The following GREB1L variants were observed in gnomAD, a reference collection of about 807,000 sequenced individuals.
GREB1L encodes GREB1 like retinoic acid receptor coactivator, also known as GREB1-like protein.
GREB1L carries 17 observed loss-of-function variants against 200.8 expected under a neutral mutation model. The observed-to-expected ratio is 0.08, with a 90% CI of 0.06 to 0.13. GREB1L has a LOEUF of 0.13. Among genes scored for constraint, GREB1L ranks in the 10% least tolerant of loss-of-function variants. GREB1L has a pLI of 1.00. For missense variants in GREB1L, 1,657 were observed against 2,367.7 expected (o/e 0.70, Z 6.23); for synonymous variants, 789 against 893.0 (o/e 0.88, Z 2.08).
intron 19 of GREB1L, 142 bp from the exon 20 acceptor site, chr18:21,495,528 A>C (rs2036511892): frequency 3.2e-6 from 2 of 625,266 alleles, no homozygotes; most frequent in African/African-American, 3.7e-5. Context: ...AGCAGTTAAA[A>C]TATACATACA....
At chr18:21,308,570 C>G (rs1324252697) in intron 1 of GREB1L, among the ~76,000 whole-genome samples, 1 of 152,174 alleles carries the variant, frequency 6.6e-6, no homozygotes, top group African/African-American at 2.4e-5. Flanking sequence ...GGGCTTTGCC[C>G]TAATTCATCT....
chr18:21,434,485 G>GTA (rs759371210), intron 7 of GREB1L, among the ~76,000 whole-genome samples: 4,295 of 95,850 alleles, frequency 0.045, 135 homozygotes, highest in East Asian at 0.1. Context: ...AAAAAAAATA[G>GTA]TATATATATA....
At chr18:21,498,831 C>T (rs760639453) in intron 21 of GREB1L, among the ~76,000 whole-genome samples, 6 of 152,272 alleles carry the variant, frequency 3.9e-5, no homozygotes, top group South Asian at 2.1e-4. Context: ...AGTGAAGGGG[C>T]GGGTTTTAAT....
chr18:21,399,481 A>ATGGATGGG (rs1237337054), intron 5 of GREB1L, among the ~76,000 whole-genome samples: 5 of 150,960 alleles, frequency 3.3e-5, no homozygotes, highest in Non-Finnish European at 7.4e-5. Context: ...GGATGGATGG[A>ATGGATGGG]TGGATGGATG....
intron 1 of GREB1L, among the ~76,000 whole-genome samples, chr18:21,270,928 T>G (rs1019159486): frequency 6.6e-6 from 1 of 152,210 alleles, no homozygotes; most frequent in African/African-American, 2.4e-5. Flanking sequence ...GCTATGATTA[T>G]CTCCATCTTA....
intron 1 of GREB1L, among the ~76,000 whole-genome samples, chr18:21,323,879 T>C (rs1415112866): frequency 6.6e-6 from 1 of 152,234 alleles, no homozygotes; most frequent in African/African-American, 2.4e-5. Flanking sequence ...AGTAATTTAG[T>C]AACTTCTATC....
At chr18:21,515,782 T>A (rs2037395877) in intron 29 of GREB1L, 138 bp downstream of exon 29, 2 of 677,540 alleles carry the variant, frequency 3.0e-6, no homozygotes, top group Non-Finnish European at 5.0e-6. Context: ...GAAAGGGGGA[T>A]CACAAGCCCC....
Position 21,455,881 on chromosome 18 carries a change from C to T in GREB1L, c.2182+1318C>T, listed in dbSNP as rs1349754638. Among the ~76,000 whole-genome samples, 13 of 147,284 alleles carry T rather than the reference C, an allele frequency of 8.8e-5. No individual in the cohort carries two copies. The East Asian group carries it at 2.4e-3, about 27-fold the overall frequency. On this transcript the variant is annotated intron_variant, in intron 15 of 32. Coordinates refer to ENST00000424526, the MANE Select transcript of GREB1L (RefSeq NM_001142966.3). ...ACTTCAGTGAGTCTGGGTTGTGCTCCGGATTCTGCATTTGCTTTTTTTTTT... is the reference window on the plus strand; with the variant it reads ...ACTTCAGTGAGTCTGGGTTGTGCTCTGGATTCTGCATTTGCTTTTTTTTTT...
intron 1 of GREB1L, among the ~76,000 whole-genome samples, chr18:21,349,311 CAGAG>C (rs2039399965): frequency 1.3e-5 from 2 of 152,122 alleles, no homozygotes; most frequent in Non-Finnish European, 2.9e-5. Context: ...AGTCTCCTTA[CAGAG>C]ACTGGCCCCA....
chr18:21,491,801 A>G (rs575762802), intron 19 of GREB1L, among the ~76,000 whole-genome samples: 66 of 152,272 alleles, frequency 4.3e-4, no homozygotes, highest in African/African-American at 1.6e-3. Context: ...AATGCAGACA[A>G]AATATCTTGT....
At position 21,244,643 on chromosome 18, in the gene GREB1L, A is replaced by G. The variant is rs140302721; in HGVS notation, c.-120+2250A>G. On this transcript the variant is annotated intron_variant, in intron 1 of 32. Transcript: ENST00000424526. ...ATGTTAGACAGTGGGGCGACAAAAA[A>G]CATTCCTGAATGGTGGATTCATGAA... Among the ~76,000 whole-genome samples, 1,447 of 152,314 alleles carry G rather than the reference A, an allele frequency of 9.5e-3. 14 individuals carry two copies. Among genetic ancestry groups the G allele is most frequent in the Non-Finnish European group, 0.014 (931 of 68,036 alleles).
chr18:21,439,414 T>A, intron 7 of GREB1L, 107 bp from the exon 8 acceptor site: 1 of 657,182 alleles, frequency 1.5e-6, no homozygotes, highest in South Asian at 1.9e-5. Context: ...ATCCGTGAGG[T>A]TTCTTGGAAT....
At chr18:21,377,586 G>A (rs1340529732) in intron 2 of GREB1L, among the ~76,000 whole-genome samples, 1 of 152,160 alleles carries the variant, frequency 6.6e-6, no homozygotes, top group Non-Finnish European at 1.5e-5. Flanking sequence ...GACCAGCCTG[G>A]CCACTTGGGA....
At chr18:21,333,166 G>T (rs2039132288) in intron 1 of GREB1L, among the ~76,000 whole-genome samples, 1 of 152,066 alleles carries the variant, frequency 6.6e-6, no homozygotes. Context: ...GGTAGTAGAG[G>T]TTTCCCAGAA....
intron 16 of GREB1L, 32 bp downstream of exon 16, chr18:21,473,243 C>T (rs2035552093): frequency 7.1e-7 from 1 of 1,411,416 alleles, no homozygotes. Context: ...AATGGAGTCT[C>T]CCTTCTACAG....
chr18:21,414,106 A>T (rs1176265981), intron 7 of GREB1L, among the ~76,000 whole-genome samples: 1 of 152,208 alleles, frequency 6.6e-6, no homozygotes, highest in African/African-American at 2.4e-5. Flanking sequence ...GAGAGTCAAG[A>T]TATTCACTGC....
At chr18:21,519,847 A>T (rs1042798272) in intron 31 of GREB1L, among the ~76,000 whole-genome samples, 2 of 151,956 alleles carry the variant, frequency 1.3e-5, no homozygotes, top group African/African-American at 4.8e-5. Flanking sequence ...TATCTTACTT[A>T]CTTCTCCGTA....
chr18:21,392,425 C>T (rs1224154659), intron 4 of GREB1L, among the ~76,000 whole-genome samples: 1 of 152,086 alleles, frequency 6.6e-6, no homozygotes, highest in Non-Finnish European at 1.5e-5. Context: ...ATATGACCGA[C>T]ATATTTAATG....
At chr18:21,333,116 G>T (rs1039035021) in intron 1 of GREB1L, among the ~76,000 whole-genome samples, 1 of 151,812 alleles carries the variant, frequency 6.6e-6, no homozygotes, top group African/African-American at 2.4e-5. Flanking sequence ...GCGCACATAC[G>T]GTCTCTCTTA....
Sources: gnomAD v4.1 joint callset for allele counts (sites outside exome capture counted in the v4.1 genomes callset) on GRCh38, gnomAD v4.1.1 for gene constraint, MANE v1.5 for transcripts, NCBI Gene and HGNC (gene_info 2026-07-23, HGNC 2026-07-21) for gene names.